ZNF155: variants seen among roughly 807,000 people sequenced by gnomAD.
ZNF155 encodes the protein zinc finger protein 155.
A neutral mutation model predicts 11.9 loss-of-function variants in ZNF155; 15 were observed. That is an observed-to-expected ratio of 1.26 (90% confidence interval 0.84 to 1.94). ZNF155 has a LOEUF of 1.94. Ranked by LOEUF, ZNF155 falls within the 30% of genes most tolerant of loss-of-function variation. The probability of loss-of-function intolerance (pLI) is 0.00; values close to 1 mark genes in which losing one functional copy is unlikely to be tolerated. For synonymous variants in ZNF155, 212 were observed against 219.9 expected (o/e 0.96, Z 0.32); for missense variants, 602 against 639.1 (o/e 0.94, Z 0.63).
chr19:43,985,925 C>T (rs138992842), intron 1 of ZNF155, among the ~76,000 whole-genome samples: 1 of 152,278 alleles, frequency 6.6e-6, no homozygotes, highest in African/African-American at 2.4e-5. Flanking sequence ...GGAACCTAGG[C>T]AGTTTGGGTC....
rs774900222 is a variant in ZNF155 at position 43,996,106 on chromosome 19, A to T, written c.249A>T (p.Gln83His). 6.2e-7 allele frequency: 1 copy of T among 1,604,512 alleles called. No individual in the cohort carries two copies. The highest frequency in any genetic ancestry group is 8.5e-7 in the Non-Finnish European group (1 of 1,174,876). ...GTGTCTTTATAGGAGGCAAGATCCAAACTGAGTTGGAGTCTGTTCCAGAAG... is the reference window on the plus strand; with the variant it reads ...GTGTCTTTATAGGAGGCAAGATCCATACTGAGTTGGAGTCTGTTCCAGAAG... ...QREGNSGGKI[Q>H]TELESVPEAG... Residue 83 changes from glutamine (Q) to histidine (H), a missense_variant, in exon 5 of 5, where the codon CAA (glutamine) becomes CAT (histidine). Transcript: ENST00000270014.
In ZNF155 at chr19:43,996,442, G is replaced by C. The variant is rs1467952661; in HGVS notation, c.585G>C (p.Gln195His). 3 of 1,614,212 alleles carry C rather than the reference G, an allele frequency of 1.9e-6. No homozygotes were observed. Among genetic ancestry groups the C allele is most frequent in the Non-Finnish European group, 2.5e-6 (3 of 1,180,036 alleles). ...ACATCTCAGCTCTTCATGTTCATCA[G>C]AGAGTCCACGTGGGAGAGAAACTCT... ...ICYISALHVH[Q>H]RVHVGEKLFM... The change falls in exon 5 of 5, where the codon CAG (glutamine) becomes CAC (histidine). Residue 195 changes from glutamine to histidine, a missense_variant. By Grantham distance (24) the Gln-to-His change is conservative. Transcript: ENST00000270014.
In ZNF155 at chr19:43,997,792, G is replaced by A. The variant is rs1403019561; in HGVS notation, c.*318G>A. ...CATGCCCATGGCTGCACAGATAGAA[G>A]AACCTCCAGCCCATTCAGGTAAAAA... On this transcript the variant is annotated 3_prime_UTR_variant, in exon 5 of 5. Transcript: ENST00000270014. The A allele has an allele frequency of 9.4e-6, 2 of 211,920 alleles. No individual in the cohort carries two copies. Among genetic ancestry groups the A allele is most frequent in the East Asian group, 1.1e-4 (1 of 9,218 alleles). The allele number at this position is 211,920 out of a possible 1,614,324, so 13.1% of individuals were successfully genotyped here. A position where few individuals can be genotyped will look rare whatever the true frequency, so the allele number is the denominator to read the frequency against.
At chr19:43,995,102 G>A (rs1044597687) in intron 4 of ZNF155, among the ~76,000 whole-genome samples, 8 of 150,704 alleles carry the variant, frequency 5.3e-5, no homozygotes, top group Non-Finnish European at 1.2e-4. Flanking sequence ...TTTTTGGTTA[G>A]GTTAACTTTT....
chr19:43,985,418 G>A (rs1975402431), intron 1 of ZNF155, among the ~76,000 whole-genome samples: 4 of 151,902 alleles, frequency 2.6e-5, no homozygotes. Context: ...ATGTGTCCTT[G>A]GGCATGGGTG....
intron 4 of ZNF155, among the ~76,000 whole-genome samples, chr19:43,994,659 G>A (rs776340754): frequency 2.6e-5 from 4 of 152,122 alleles, no homozygotes; most frequent in Non-Finnish European, 5.9e-5. Context: ...AACCAAATGC[G>A]GACCTTCTAT....
chr19:43,988,768 G>T, intron 2 of ZNF155: 1 of 437,154 alleles, frequency 2.3e-6, no homozygotes, highest in South Asian at 7.4e-5. Context: ...ATTTTATGGA[G>T]TATGAAAATT....
Position 43,991,655 on chromosome 19 carries a change from C to G in ZNF155, c.123C>G (p.Phe41Leu), listed in dbSNP as rs1416717311. The G allele has an allele frequency of 1.1e-5, 17 of 1,614,104 alleles. No homozygotes were observed. The highest frequency in any genetic ancestry group is 1.4e-5 in the Non-Finnish European group (17 of 1,180,018). Reference protein sequence around the residue: ...KLYRDVMLENFRNLLSVGHQP... With the variant: ...KLYRDVMLENLRNLLSVGHQP... ...ACCGAGATGTGATGCTGGAGAACTT[C>G]AGGAACCTGCTCTCAGTGGGTGAGC... Residue 41 changes from phenylalanine (F) to leucine (L), a missense_variant, in exon 3 of 5, where the codon TTC becomes TTG. Coordinates refer to ENST00000270014, the MANE Select transcript of ZNF155 (RefSeq NM_198089.3).
chr19:43,993,179 C>G (rs403296), intron 4 of ZNF155, among the ~76,000 whole-genome samples: 17,491 of 152,230 alleles, frequency 0.11, 1,413 homozygotes, highest in East Asian at 0.29. Flanking sequence ...TGAACATTTA[C>G]TCTATTTCTG....
At position 43,991,943 on chromosome 19, in the gene ZNF155, T is replaced by A; in HGVS notation, c.235+9T>A. 1.9e-6 allele frequency: 3 copies of A among 1,610,330 alleles called. No homozygotes were observed. The highest frequency in any genetic ancestry group is 2.2e-5 in the South Asian group (2 of 90,658). On this transcript the variant is annotated intron_variant, in intron 4 of 4. Coordinates refer to ENST00000270014, the MANE Select transcript of ZNF155 (RefSeq NM_198089.3). ...AAGAGAAGGGAATTCAGGTAAGAAC[T>A]AAGCATCTGTGTGTCCTTGTACCTG...
At position 43,997,353 on chromosome 19, in the gene ZNF155, G is replaced by A. The variant is rs759306334; in HGVS notation, c.1496G>A (p.Arg499His). The A allele has an allele frequency of 2.5e-5, 41 of 1,613,728 alleles. No individual in the cohort carries two copies. The highest frequency in any genetic ancestry group is 8.8e-5 in the South Asian group (8 of 91,044). Reference sequence around the variant, plus strand: ...AAGAGGCTTGTACACAGGACATACCGTAAAGACCAGCCGAGAGACTATAGT... The same window carrying A: ...AAGAGGCTTGTACACAGGACATACCATAAAGACCAGCCGAGAGACTATAGT... ...CGKRLVHRTYRKDQPRDYSGE... is the reference protein window; with the variant it reads ...CGKRLVHRTYHKDQPRDYSGE... The change falls in exon 5 of 5, where the codon CGT (arginine) becomes CAT (histidine). Residue 499 changes from arginine (R) to histidine (H), a missense_variant. Physicochemically the swap from Arg to His is conservative, Grantham distance 29. Transcript: ENST00000270014.
At chr19:43,993,863 G>C (rs1305870246) in intron 4 of ZNF155, among the ~76,000 whole-genome samples, 2 of 152,114 alleles carry the variant, frequency 1.3e-5, no homozygotes, top group Non-Finnish European at 1.5e-5. Context: ...TCAGGACTTG[G>C]TATTATCCTG....
rs1975877083 is a variant in ZNF155 at position 43,996,566 on chromosome 19, T to C, written c.709T>C (p.Cys237Arg). ...TGEKPFKCEQ[C>R]GKGFSRRSAL... ...AGAGAAACCATTCAAATGTGAGCAATGTGGGAAAGGTTTCAGTCGTAGATC... is the reference window on the plus strand; with the variant it reads ...AGAGAAACCATTCAAATGTGAGCAACGTGGGAAAGGTTTCAGTCGTAGATC... Residue 237 changes from cysteine (C) to arginine (R), a missense_variant, in exon 5 of 5, where the codon TGT becomes CGT. Transcript: ENST00000270014. The C allele has an allele frequency of 6.2e-7, 1 of 1,614,122 alleles. No individual in the cohort carries two copies. Among genetic ancestry groups the C allele is most frequent in the Non-Finnish European group, 8.5e-7 (1 of 1,180,010 alleles).
At position 43,997,243 on chromosome 19, in the gene ZNF155, G is replaced by A. The variant is rs142966554; in HGVS notation, c.1386G>A (p.Gly462=). 4,070 of 1,614,114 alleles carry A rather than the reference G, an allele frequency of 2.5e-3. 7 individuals carry two copies. The highest frequency in any genetic ancestry group is 2.9e-3 in the Non-Finnish European group (3,461 of 1,180,018). Residue 462 remains glycine, a synonymous_variant, in exon 5 of 5, where the codon GGG becomes GGA. Transcript: ENST00000270014. ...GERPYNCKEC[G]KNFSRASSIL... The stretch of plus-strand genomic sequence containing the variant: ...GACCTTATAATTGTAAGGAATGTGG[G>A]AAGAACTTTAGCCGGGCCTCAAGTA...
intron 1 of ZNF155, among the ~76,000 whole-genome samples, chr19:43,986,481 G>A (rs530943142): frequency 7.5e-6 from 1 of 133,740 alleles, no homozygotes; most frequent in Non-Finnish European, 1.5e-5. Flanking sequence ...ACGGAGTCTC[G>A]CTCTGTCACC....
At chr19:43,992,567 G>A (rs989197866) in intron 4 of ZNF155, among the ~76,000 whole-genome samples, 8 of 152,226 alleles carry the variant, frequency 5.3e-5, no homozygotes, top group South Asian at 2.1e-4. Flanking sequence ...CTCCATCTTC[G>A]AAGGCAGCTA....
Position 43,988,530 on chromosome 19 carries a change from A to G in ZNF155, c.-14A>G, listed in dbSNP as rs1199423838. 3.1e-6 allele frequency: 5 copies of G among 1,606,952 alleles called. No individual in the cohort carries two copies. The highest frequency in any genetic ancestry group is 2.2e-5 in the East Asian group (1 of 44,792). On this transcript the variant is annotated 5_prime_UTR_variant, in exon 2 of 5. Coordinates refer to ENST00000270014, the MANE Select transcript of ZNF155 (RefSeq NM_198089.3). ...CACCCAGGAGTCTGCAAATTCCCCA[A>G]AGTAGGAGGAAAAATGACCACATTC...
chr19:43,997,248 A>C lies in ZNF155; in HGVS notation c.1391A>C (p.Asn464Thr). Residue 464 changes from asparagine (N) to threonine (T), a missense_variant, in exon 5 of 5, where the codon AAC becomes ACC. Transcript: ENST00000270014. ...RPYNCKECGK[N>T]FSRASSILNH... ...TATAATTGTAAGGAATGTGGGAAGA[A>C]CTTTAGCCGGGCCTCAAGTATTTTG... is the stretch of plus-strand genomic sequence containing the variant. The C allele has an allele frequency of 6.2e-7, 1 of 1,614,114 alleles. No homozygotes were observed. Among genetic ancestry groups the C allele is most frequent in the Non-Finnish European group, 8.5e-7 (1 of 1,180,024 alleles).
intron 2 of ZNF155, 72 bp from the exon 3 acceptor site, chr19:43,991,476 C>G: frequency 1.2e-6 from 2 of 1,609,616 alleles, no homozygotes; most frequent in Admixed American, 3.3e-5. Flanking sequence ...ATCCCCTTCC[C>G]CTGCTCAATG....
Sources: gnomAD v4.1 joint callset for allele counts (sites outside exome capture counted in the v4.1 genomes callset) on GRCh38, gnomAD v4.1.1 for gene constraint, MANE v1.5 for transcripts, NCBI Gene and HGNC (gene_info 2026-07-23, HGNC 2026-07-21) for gene names.